MYT1L: variants seen among roughly 807,000 people sequenced by gnomAD.
MYT1L encodes myelin transcription factor 1-like protein.
MYT1L carries 12 observed loss-of-function variants against 126.7 expected under a neutral mutation model. The observed-to-expected ratio is 0.09, with a 90% confidence interval of 0.06 to 0.15. The LOEUF is 0.15. Ranked by LOEUF, MYT1L falls within the 10% of genes least tolerant of loss-of-function variation. The pLI is 1.00. For missense variants in MYT1L, 979 were observed against 1,585.2 expected (o/e 0.62, Z 6.49); for synonymous variants, 541 against 604.2 (o/e 0.90, Z 1.53).
intron 23 of MYT1L, among the ~76,000 whole-genome samples, chr2:1,796,673 G>A (rs933605817): frequency 2.6e-5 from 4 of 151,504 alleles, no homozygotes; most frequent in Admixed American, 1.3e-4. Context: ...GCCACGGGGG[G>A]CAGCATCCCA....
intron 19 of MYT1L, chr2:1,842,866 A>AGCTTGCGCTTCCAGGC (rs2041945711): frequency 1.2e-5 from 1 of 85,194 alleles, no homozygotes; most frequent in Admixed American, 1.3e-4. Flanking sequence ...TCGTCTGTCC[A>AGCTTGCGCTTCCAGGC]GCTTCCGCTT....
At chr2:1,936,166 GT>G (rs1558458853) in intron 9 of MYT1L, among the ~76,000 whole-genome samples, 1 of 151,950 alleles carries the variant, frequency 6.6e-6, no homozygotes, top group Non-Finnish European at 1.5e-5. Flanking sequence ...CAGGTGATCT[GT>G]CCCCCTCAGC....
At chr2:2,208,628 T>C (rs935548616) in intron 2 of MYT1L, among the ~76,000 whole-genome samples, 1 of 152,246 alleles carries the variant, frequency 6.6e-6, no homozygotes, top group East Asian at 1.9e-4. Flanking sequence ...AATTTATAAA[T>C]AACCTTTTTT....
intron 4 of MYT1L, among the ~76,000 whole-genome samples, chr2:2,023,550 C>T (rs1004966437): frequency 4.0e-5 from 6 of 151,826 alleles, no homozygotes; most frequent in East Asian, 1.9e-4. Context: ...GCTCCCAGCA[C>T]GGGCTCCTGA....
At chr2:2,189,698 G>A (rs530409576) in intron 2 of MYT1L, among the ~76,000 whole-genome samples, 8 of 152,294 alleles carry the variant, frequency 5.3e-5, no homozygotes, top group African/African-American at 1.9e-4. Flanking sequence ...AGACTATTAA[G>A]CCTATGAAGA....
intron 3 of MYT1L, among the ~76,000 whole-genome samples, chr2:2,165,354 G>A (rs913708081): frequency 1.6e-4 from 24 of 151,396 alleles, no homozygotes; most frequent in African/African-American, 5.3e-4. Context: ...ACACACACAC[G>A]TGCACACAGG....
intron 4 of MYT1L, among the ~76,000 whole-genome samples, chr2:2,003,579 C>A (rs898084896): frequency 6.6e-6 from 1 of 152,242 alleles, no homozygotes; most frequent in Non-Finnish European, 1.5e-5. Context: ...GGCTTCTCTC[C>A]TGGGGTGGGT....
intron 2 of MYT1L, among the ~76,000 whole-genome samples, chr2:2,275,461 C>T (rs768244925): frequency 1.3e-5 from 2 of 152,096 alleles, no homozygotes; most frequent in Admixed American, 6.5e-5. Flanking sequence ...ATATGACATG[C>T]TGAGCCCCAG....
intron 18 of MYT1L, chr2:1,884,016 G>A (rs1490113781): frequency 6.6e-6 from 1 of 152,198 alleles, no homozygotes; most frequent in Non-Finnish European, 1.5e-5. Flanking sequence ...TGTTATCTCA[G>A]GAAGTTTAAG....
In MYT1L at chr2:2,005,972, AGGTGTTCTTTCCTGCATGCG is replaced by A. The variant is rs1558712988; in HGVS notation, c.-157-8645_-157-8626del. Among the ~76,000 whole-genome samples, 728 of 145,658 alleles carry A rather than the reference AGGTGTTCTTTCCTGCATGCG, an allele frequency of 5.0e-3. 5 individuals carry two copies. Among genetic ancestry groups the A allele is most frequent in the African/African-American group, 0.018 (691 of 38,544 alleles). The stretch of plus-strand genomic sequence containing the variant: ...CTTTCCTGAATGCGTTCTTTCCTGC[AGGTGTTCTTTCCTGCATGCG>A]TTCTTTCCTGCATGCATTCTTTCCT... On this transcript the variant is annotated intron_variant, in intron 4 of 24. Coordinates refer to ENST00000647738, the MANE Select transcript of MYT1L (RefSeq NM_001303052.2).
chr2:2,253,137 T>TTTAAGAAAAAAAGAA (rs2094699925), intron 2 of MYT1L, among the ~76,000 whole-genome samples: 1 of 151,742 alleles, frequency 6.6e-6, no homozygotes, highest in Non-Finnish European at 1.5e-5. Context: ...AAAAAAAGAA[T>TTTAAGAAAAAAAGAA]TTAAAAAAAA....
At chr2:1,952,605 C>T (rs1017719952) in intron 8 of MYT1L, among the ~76,000 whole-genome samples, 1 of 151,568 alleles carries the variant, frequency 6.6e-6, no homozygotes, top group Admixed American at 6.6e-5. Context: ...TCCTTTAAAG[C>T]TGAAAGACTT....
intron 3 of MYT1L, among the ~76,000 whole-genome samples, chr2:2,159,309 T>C (rs761968396): frequency 1.6e-4 from 25 of 152,180 alleles, no homozygotes; most frequent in Non-Finnish European, 2.9e-4. Flanking sequence ...ATTCATGGTC[T>C]CTTCGGGGTC....
At position 1,929,750 on chromosome 2, in the gene MYT1L, T is replaced by C. The variant is rs1415721155; in HGVS notation, c.506-6487A>G. Among the ~76,000 whole-genome samples the C allele has an allele frequency of 6.6e-6, 1 of 152,352 alleles. No individual in the cohort carries two copies. Among genetic ancestry groups the C allele is most frequent in the East Asian group, 1.9e-4 (1 of 5,184 alleles). ...ATTTTCTTTGAATTTTAGTGCTAGA[T>C]AGAATTATTGAGATCATGCCTTCAA... On this transcript the variant is annotated intron_variant, in intron 9 of 24. Transcript: ENST00000647738. The surrounding 1 kb of genome is among the most constrained non-coding windows in gnomAD (Gnocchi z 4.7).
At chr2:1,802,958 C>T (rs1020851800) in intron 22 of MYT1L, among the ~76,000 whole-genome samples, 32 of 152,160 alleles carry the variant, frequency 2.1e-4, no homozygotes, top group African/African-American at 7.0e-4. Flanking sequence ...ATGCTGTTTT[C>T]AAGCTTTGCA....
At chr2:2,118,650 G>C (rs1303789422) in intron 3 of MYT1L, among the ~76,000 whole-genome samples, 1 of 152,174 alleles carries the variant, frequency 6.6e-6, no homozygotes, top group Non-Finnish European at 1.5e-5. Flanking sequence ...GTTAAGGATA[G>C]TGCCTTGGAT....
chr2:1,860,999 A>T (rs896088081), intron 18 of MYT1L, among the ~76,000 whole-genome samples: 6 of 151,782 alleles, frequency 4.0e-5, no homozygotes, highest in Non-Finnish European at 5.9e-5. Flanking sequence ...ACACACACAC[A>T]CTTGTGCACA....
intron 18 of MYT1L, among the ~76,000 whole-genome samples, chr2:1,874,921 C>G (rs2046710437): frequency 6.6e-6 from 1 of 152,208 alleles, no homozygotes; most frequent in Non-Finnish European, 1.5e-5. Flanking sequence ...CTTGGACAGG[C>G]AGCCTCCTTT....
chr2:2,165,152 G>A (rs533359430), intron 3 of MYT1L, among the ~76,000 whole-genome samples: 1 of 152,298 alleles, frequency 6.6e-6, no homozygotes, highest in East Asian at 1.9e-4. Flanking sequence ...ATTTCCTTAA[G>A]TTGGAAAGGA....
Sources: gnomAD v4.1 joint callset for allele counts (sites outside exome capture counted in the v4.1 genomes callset) on GRCh38, gnomAD v4.1.1 for gene constraint, Gnocchi (gnomAD v3.1) non-coding constraint, MANE v1.5 for transcripts, NCBI Gene and HGNC (gene_info 2026-07-23, HGNC 2026-07-21) for gene names.